Variants in CPA6 observed in about 807,000 individuals in gnomAD.
CPA6 encodes the protein carboxypeptidase A6.
CPA6 carries 58 observed loss-of-function variants against 63.3 expected under a neutral mutation model. That is an observed-to-expected ratio of 0.92 (90% CI 0.74 to 1.14). CPA6 has a LOEUF of 1.14. CPA6 is among the 50% of genes most tolerant of loss of function. CPA6 has a pLI of 0.00. For synonymous variants in CPA6, 185 were observed against 179.0 expected (o/e 1.03, Z -0.27); for missense variants, 565 against 526.6 (o/e 1.07, Z -0.71).
intron 1 of CPA6, among the ~76,000 whole-genome samples, chr8:67,691,005 G>T (rs776568049): frequency 3.3e-4 from 50 of 152,042 alleles, no homozygotes; most frequent in Non-Finnish European, 6.0e-4. Flanking sequence ...TAAATAAAAG[G>T]CATTCCCTGA....
intron 3 of CPA6, 119 bp downstream of exon 3, chr8:67,517,804 A>G (rs1319614591): frequency 9.6e-6 from 10 of 1,043,464 alleles, no homozygotes; most frequent in Non-Finnish European, 1.4e-5. Context: ...AGTTTTCCCC[A>G]TATGAAAAAT....
At chr8:67,715,581 G>A (rs1817360813) in intron 1 of CPA6, among the ~76,000 whole-genome samples, 1 of 152,122 alleles carries the variant, frequency 6.6e-6, no homozygotes, top group Non-Finnish European at 1.5e-5. Flanking sequence ...CATATACAAG[G>A]AAAAACACTC....
At chr8:67,741,696 T>C (rs1406044665) in intron 1 of CPA6, among the ~76,000 whole-genome samples, 1 of 152,174 alleles carries the variant, frequency 6.6e-6, no homozygotes, top group East Asian at 1.9e-4. Context: ...TAATTTCTGA[T>C]GATACGTCAC....
chr8:67,436,818 G>A (rs137891277), intron 8 of CPA6, among the ~76,000 whole-genome samples: 233 of 152,266 alleles, frequency 1.5e-3, no homozygotes, highest in African/African-American at 5.3e-3. Flanking sequence ...TGCCATATGA[G>A]GCCACTAATG....
intron 9 of CPA6, among the ~76,000 whole-genome samples, chr8:67,429,822 G>GA (rs796115584): frequency 1.8e-4 from 27 of 150,912 alleles, no homozygotes; most frequent in African/African-American, 5.8e-4. Flanking sequence ...AAAAATCTAA[G>GA]AAAAAAAAAG....
chr8:67,484,260 GA>G (rs1811425846), intron 7 of CPA6, among the ~76,000 whole-genome samples: 1 of 151,632 alleles, frequency 6.6e-6, no homozygotes, highest in South Asian at 2.1e-4. Flanking sequence ...TTTTAGTAGA[GA>G]CGGGGTTTCA....
chr8:67,422,505 C>A lies in CPA6; in HGVS notation c.1313G>T (p.Ter438LeuextTer13). 1 of 1,613,652 alleles carries A rather than the reference C, an allele frequency of 6.2e-7. No individual in the cohort carries two copies. Among genetic ancestry groups the A allele is most frequent in the Non-Finnish European group, 8.5e-7 (1 of 1,179,678 alleles). The change falls in exon 11 of 11, where the codon TGA (stop) becomes TTA (leucine). Residue 438 changes from the stop codon to leucine (L), a stop_lost. Transcript: ENST00000297770. ...ITMHLLKKCP[*>L] ...AGTTGACCTGAGCCTTGGGCTGTCT[C>A]AGGGACATTTCTTTAGCAGGTGCAT...
chr8:67,595,385 G>A (rs1814299761), intron 2 of CPA6, among the ~76,000 whole-genome samples: 1 of 152,240 alleles, frequency 6.6e-6, no homozygotes, highest in South Asian at 2.1e-4. Flanking sequence ...CCAGCTGCAT[G>A]CTGGGAGAAC....
chr8:67,616,429 A>AAG (rs768068341), intron 2 of CPA6, among the ~76,000 whole-genome samples: 2 of 151,938 alleles, frequency 1.3e-5, no homozygotes, highest in Non-Finnish European at 2.9e-5. Flanking sequence ...AGAACTATAG[A>AAG]AGTGGCCTTA....
chr8:67,485,782 T>C (rs1811464980), intron 6 of CPA6, among the ~76,000 whole-genome samples: 1 of 152,228 alleles, frequency 6.6e-6, no homozygotes, highest in Non-Finnish European at 1.5e-5. Flanking sequence ...CCATATTTTA[T>C]TAAATCAGTA....
At chr8:67,475,827 CTTTCTT>C (rs1563967610) in intron 8 of CPA6, among the ~76,000 whole-genome samples, 2 of 42,834 alleles carry the variant, frequency 4.7e-5, no homozygotes, top group Non-Finnish European at 8.4e-5. Flanking sequence ...CCTTTCTTTT[CTTTCTT>C]TCTTTCTTTC....
intron 1 of CPA6, among the ~76,000 whole-genome samples, chr8:67,738,988 A>C (rs1817865757): frequency 6.6e-6 from 1 of 152,252 alleles, no homozygotes; most frequent in Admixed American, 6.5e-5. Context: ...CTGTGAAGTT[A>C]TAAAACATTA....
chr8:67,743,869 T>A (rs1432543343), intron 1 of CPA6, among the ~76,000 whole-genome samples: 1 of 152,178 alleles, frequency 6.6e-6, no homozygotes, highest in African/African-American at 2.4e-5. Flanking sequence ...TTTACATGAA[T>A]GCAAGAACTA....
intron 2 of CPA6, among the ~76,000 whole-genome samples, chr8:67,588,557 T>A (rs912922713): frequency 9.9e-5 from 15 of 152,180 alleles, no homozygotes; most frequent in African/African-American, 3.6e-4. Context: ...ATAAATGTAA[T>A]CCCTAATTAC....
At chr8:67,475,896 TTC>T (rs1305073263) in intron 8 of CPA6, among the ~76,000 whole-genome samples, 3 of 88,120 alleles carry the variant, frequency 3.4e-5, no homozygotes, top group African/African-American at 1.6e-4. Context: ...CTTTCTTTCT[TTC>T]TTTCTTTCTT....
chr8:67,653,953 C>G (rs113848139), intron 1 of CPA6, among the ~76,000 whole-genome samples: 57,045 of 149,088 alleles, frequency 0.38, 11,427 homozygotes, highest in African/African-American at 0.51. Context: ...TAGCATGAAG[C>G]GTTGTTGAAT....
At chr8:67,574,949 C>T (rs904398574) in intron 2 of CPA6, among the ~76,000 whole-genome samples, 8 of 151,794 alleles carry the variant, frequency 5.3e-5, no homozygotes, top group African/African-American at 1.9e-4. Flanking sequence ...AGGGAGGACA[C>T]AGACTACAGA....
At chr8:67,669,423 C>A (rs1418292508) in intron 1 of CPA6, among the ~76,000 whole-genome samples, 2 of 152,206 alleles carry the variant, frequency 1.3e-5, no homozygotes, top group African/African-American at 4.8e-5. Context: ...TCAAATTATA[C>A]ATGCTCACCC....
At chr8:67,491,679 T>C (rs1330558069) in intron 6 of CPA6, among the ~76,000 whole-genome samples, 1 of 152,210 alleles carries the variant, frequency 6.6e-6, no homozygotes, top group Non-Finnish European at 1.5e-5. Flanking sequence ...AACTTTGGTA[T>C]TGTGAAGATC....
Sources: allele counts gnomAD v4.1 joint callset (sites outside exome capture counted in the v4.1 genomes callset), GRCh38; gene constraint gnomAD v4.1.1; transcripts MANE v1.5; gene names NCBI Gene and HGNC (gene_info 2026-07-23, HGNC 2026-07-21).